Variants in SH3RF2 observed in about 807,000 individuals in gnomAD.
The protein encoded by SH3RF2 is SH3 domain containing ring finger 2.
Under a neutral mutation model 59.0 loss-of-function variants are expected in SH3RF2, and 43 were observed. That is an observed-to-expected ratio of 0.73 (90% CI 0.57 to 0.94). SH3RF2 has a LOEUF of 0.94. Among genes scored for constraint, SH3RF2 ranks in the 40% least tolerant of loss-of-function variants. The pLI is 0.00. For missense variants in SH3RF2, 930 were observed against 940.1 expected, an observed-to-expected ratio of 0.99 and a Z score of 0.14; for synonymous variants, 391 against 391.5, an observed-to-expected ratio of 1.00 and a Z score of 0.01.
chr5:146,064,732 AAGG>A (rs1763029525), downstream of SH3RF2, among the ~76,000 whole-genome samples: 4 of 9,434 alleles, frequency 4.2e-4, 1 homozygote, highest in Admixed American at 1.0e-3. Context: ...GAAAGAAAGG[AAGG>A]AAGGAAGGAA....
chr5:146,009,016 G>C (rs766181960), intron 4 of SH3RF2, among the ~76,000 whole-genome samples: 4 of 152,150 alleles, frequency 2.6e-5, no homozygotes, highest in Non-Finnish European at 1.5e-5. Context: ...GCCAGAGCTT[G>C]TTCATTCACC....
Position 146,055,964 on chromosome 5 carries a change from A to T in SH3RF2, c.1323-17A>T. On this transcript the variant is annotated splice_polypyrimidine_tract_variant and intron_variant, in intron 7 of 9. Coordinates refer to ENST00000359120, the MANE Select transcript of SH3RF2 (RefSeq NM_152550.4). ...TTCTCTATTTCTTCTCTTAAAAAAAAAATTTTCCAAAACCAGAAAGACCTC... is the reference window on the plus strand; with the variant it reads ...TTCTCTATTTCTTCTCTTAAAAAAATAATTTTCCAAAACCAGAAAGACCTC... 1 of 1,597,860 alleles carries T rather than the reference A, an allele frequency of 6.3e-7. No individual in the cohort carries two copies. Among genetic ancestry groups the T allele is most frequent in the Non-Finnish European group, 8.5e-7 (1 of 1,174,548 alleles).
intron 4 of SH3RF2, among the ~76,000 whole-genome samples, chr5:146,010,330 A>G (rs1473716632): frequency 2.6e-5 from 4 of 152,236 alleles, no homozygotes; most frequent in Non-Finnish European, 5.9e-5. Context: ...ATAGTGCCAC[A>G]ATAAACATAC....
At position 145,950,145 on chromosome 5, in the gene SH3RF2, A is replaced by G. The variant is rs141751124; in HGVS notation, c.378+11839A>G. ...ACACCATGTGCCCAGAACTGAGCCA[A>G]AGAAACATGTCTTCTTTAATCCTCT... On this transcript the variant is annotated intron_variant, in intron 2 of 9. Coordinates refer to ENST00000359120, the MANE Select transcript of SH3RF2 (RefSeq NM_152550.4). Among the ~76,000 whole-genome samples, 70 of 152,308 alleles carry G rather than the reference A, an allele frequency of 4.6e-4. 1 individual carries two copies. Among genetic ancestry groups the G allele is most frequent in the East Asian group, 1.3e-3 (7 of 5,186 alleles).
At chr5:146,074,866 T>C (rs1436738313) in intron 9 of SH3RF2, among the ~76,000 whole-genome samples, 1 of 152,162 alleles carries the variant, frequency 6.6e-6, no homozygotes, top group East Asian at 1.9e-4. Flanking sequence ...GCTATAGATT[T>C]GGAACACCTG....
At chr5:145,965,833 G>A (rs1758837473) in intron 2 of SH3RF2, among the ~76,000 whole-genome samples, 1 of 152,184 alleles carries the variant, frequency 6.6e-6, no homozygotes, top group Admixed American at 6.5e-5. Flanking sequence ...TTAAAGTGTG[G>A]TTGGTAATAA....
At position 145,955,464 on chromosome 5, in the gene SH3RF2, T is replaced by C. The variant is rs553645881; in HGVS notation, c.378+17158T>C. Among the ~76,000 whole-genome samples the C allele has an allele frequency of 2.8e-4, 42 of 152,298 alleles. No homozygotes were observed. In the South Asian group the frequency reaches 8.1e-3, roughly 29 times the overall value. ...ACTATCTATTGGGTACTATGCTCAG[T>C]ACCTGGGTGACAGGATCATTCGCGC... is the stretch of plus-strand genomic sequence containing the variant. On this transcript the variant is annotated intron_variant, in intron 2 of 9. Coordinates refer to ENST00000359120, the MANE Select transcript of SH3RF2 (RefSeq NM_152550.4).
intron 7 of SH3RF2, among the ~76,000 whole-genome samples, chr5:146,052,583 G>A (rs1301899835): frequency 1.1e-4 from 16 of 152,136 alleles, no homozygotes; most frequent in Admixed American, 9.8e-4. Context: ...TAGAGGATAC[G>A]CTCCTGAGGG....
intron 2 of SH3RF2, among the ~76,000 whole-genome samples, chr5:145,985,017 A>C (rs913978892): frequency 3.9e-5 from 6 of 152,180 alleles, no homozygotes; most frequent in African/African-American, 1.4e-4. Flanking sequence ...TTAGCTGAGC[A>C]TGGTGGCACA....
At chr5:145,983,471 C>A (rs1418574880) in intron 2 of SH3RF2, among the ~76,000 whole-genome samples, 1 of 152,138 alleles carries the variant, frequency 6.6e-6, no homozygotes, top group African/African-American at 2.4e-5. Context: ...CCACCCAAAT[C>A]CTCAGGGATG....
At chr5:146,021,545 A>G (rs1406523422) in intron 5 of SH3RF2, among the ~76,000 whole-genome samples, 1 of 152,178 alleles carries the variant, frequency 6.6e-6, no homozygotes, top group African/African-American at 2.4e-5. Context: ...AGTGCCTTTT[A>G]TAGGGCCTAC....
At chr5:146,074,577 T>TAA (rs57550178) in intron 9 of SH3RF2, among the ~76,000 whole-genome samples, 6,884 of 147,934 alleles carry the variant, frequency 0.047, 246 homozygotes, top group African/African-American at 0.098. Context: ...AACTGACATC[T>TAA]AAAAAAAAAA....
rs1254915646 is a variant in SH3RF2 at position 146,042,578 on chromosome 5, A to T, written c.1060-5194A>T. Among the ~76,000 whole-genome samples the T allele has an allele frequency of 3.3e-5, 5 of 152,074 alleles. No individual in the cohort carries two copies. In the East Asian group the frequency reaches 9.6e-4, roughly 29 times the overall value. On this transcript the variant is annotated intron_variant, in intron 5 of 9. Transcript: ENST00000359120. The stretch of plus-strand genomic sequence containing the variant: ...GCCACTGGCCTGAGTCCTAAGTTAG[A>T]CCTCCTCTCTGGACTCCTAAGAGGT...
intron 5 of SH3RF2, among the ~76,000 whole-genome samples, chr5:146,033,451 CTTTTTT>C (rs558717056): frequency 5.7e-4 from 41 of 71,842 alleles, no homozygotes; most frequent in South Asian, 3.9e-3. Flanking sequence ...TAGCCCTTAG[CTTTTTT>C]TTTTTTTTTT....
chr5:145,962,921 G>A (rs559848287), intron 2 of SH3RF2, among the ~76,000 whole-genome samples: 37 of 134,556 alleles, frequency 2.7e-4, no homozygotes, highest in African/African-American at 5.8e-4. Context: ...TTTTAGAGAC[G>A]GAGTCTCGCT....
At chr5:146,007,082 A>T (rs538278718) in intron 4 of SH3RF2, among the ~76,000 whole-genome samples, 1 of 152,242 alleles carries the variant, frequency 6.6e-6, no homozygotes, top group African/African-American at 2.4e-5. Flanking sequence ...CACGTGAAAC[A>T]CTGGGTATCA....
chr5:145,977,242 C>T lies in SH3RF2; in HGVS notation c.379-22816C>T, dbSNP rs79302530. Among the ~76,000 whole-genome samples the T allele has an allele frequency of 6.9e-3, 1,045 of 152,318 alleles. 14 individuals carry two copies. The highest frequency in any genetic ancestry group is 0.024 in the African/African-American group (991 of 41,564). On this transcript the variant is annotated intron_variant, in intron 2 of 9. Transcript: ENST00000359120. Reference sequence around the variant, plus strand: ...AAGACAAGACAAGGTAAGCTATTGTCGCTTATCATCTACACTTTGTTCTGA... The same window carrying T: ...AAGACAAGACAAGGTAAGCTATTGTTGCTTATCATCTACACTTTGTTCTGA...
intron 2 of SH3RF2, among the ~76,000 whole-genome samples, chr5:145,966,943 G>A (rs1287308629): frequency 3.9e-5 from 6 of 152,244 alleles, no homozygotes; most frequent in African/African-American, 1.4e-4. Flanking sequence ...CATCGCTTGA[G>A]CCCAGGAGTA....
chr5:146,068,088 C>T (rs944408532), downstream of SH3RF2, among the ~76,000 whole-genome samples: 13 of 152,362 alleles, frequency 8.5e-5, no homozygotes, highest in East Asian at 1.9e-4. Context: ...CTAGGAAAGG[C>T]GCTGAGTGGG....
Sources: gnomAD v4.1 joint callset for allele counts (sites outside exome capture counted in the v4.1 genomes callset) on GRCh38, gnomAD v4.1.1 for gene constraint, MANE v1.5 for transcripts, NCBI Gene and HGNC (gene_info 2026-07-23, HGNC 2026-07-21) for gene names.